GNA14: variants seen among roughly 807,000 people sequenced by gnomAD.
GNA14 encodes the protein guanine nucleotide-binding protein subunit alpha-14.
Under a neutral mutation model 42.0 loss-of-function variants are expected in GNA14, and 50 were observed. That is an observed-to-expected ratio of 1.19 (90% confidence interval 0.95 to 1.51). The LOEUF (loss-of-function observed/expected upper bound fraction) is 1.51. GNA14 is among the 40% of genes most tolerant of loss of function. The pLI, the probability that GNA14 is intolerant of heterozygous loss-of-function variation, is 0.00. For synonymous variants in GNA14, 173 were observed against 163.1 expected, an observed-to-expected ratio of 1.06 and a Z score of -0.46; for missense variants, 473 against 446.2, an observed-to-expected ratio of 1.06 and a Z score of -0.54.
At chr9:77,469,404 A>G (rs1836290378) in intron 2 of GNA14, among the ~76,000 whole-genome samples, 2 of 150,368 alleles carry the variant, frequency 1.3e-5, no homozygotes, top group African/African-American at 4.9e-5. Flanking sequence ...TTCCAGACAA[A>G]TTAATGTAAG....
intron 1 of GNA14, among the ~76,000 whole-genome samples, chr9:77,587,002 T>G (rs930076475): frequency 8.1e-5 from 12 of 147,848 alleles, no homozygotes; most frequent in Non-Finnish European, 1.5e-4. Flanking sequence ...TAATAGAAAA[T>G]AAATGATTTG....
intron 1 of GNA14, among the ~76,000 whole-genome samples, chr9:77,629,579 G>T (rs1238308543): frequency 2.6e-5 from 4 of 152,168 alleles, no homozygotes; most frequent in African/African-American, 9.7e-5. Flanking sequence ...GTCCTTTGCA[G>T]GGACATGGAT....
At position 77,425,178 on chromosome 9, in the gene GNA14, T is replaced by C. The variant is rs189155448; in HGVS notation, c.877+384A>G. Reference sequence around the variant, plus strand: ...AGTGAGCAGAGGATATGACATAGCATGATGTGGCCAAGAGAGCAAGCAGGG... The same window carrying C: ...AGTGAGCAGAGGATATGACATAGCACGATGTGGCCAAGAGAGCAAGCAGGG... On this transcript the variant is annotated intron_variant, in intron 6 of 6. Transcript: ENST00000341700. Among the ~76,000 whole-genome samples, 325 of 152,060 alleles carry C rather than the reference T, an allele frequency of 2.1e-3. 1 individual carries two copies. The highest frequency in any genetic ancestry group is 3.9e-3 in the Non-Finnish European group (263 of 67,984).
At chr9:77,505,590 A>G (rs778902551) in intron 2 of GNA14, among the ~76,000 whole-genome samples, 6 of 152,236 alleles carry the variant, frequency 3.9e-5, no homozygotes, top group Admixed American at 1.3e-4. Flanking sequence ...GGGTGAATGA[A>G]TGAACGAACT....
rs371916913 is a variant in GNA14, at chr9:77,600,275, T to C, written c.124+47395A>G. 2.7e-4 allele frequency among the ~76,000 whole-genome samples: 41 copies of C among 152,328 alleles called. 4 individuals are homozygous for C. The highest frequency in any genetic ancestry group is 8.9e-4 in the African/African-American group (37 of 41,568). ...GTGCAATTCGCACCAGTAATTTTTT[T>C]CCCAAACCAGCTATTTTTAAAGACG... On this transcript the variant is annotated intron_variant, in intron 1 of 6. Transcript: ENST00000341700.
chr9:77,452,937 G>A (rs1233181724), intron 2 of GNA14, among the ~76,000 whole-genome samples: 1 of 151,838 alleles, frequency 6.6e-6, no homozygotes, highest in African/African-American at 2.4e-5. Context: ...TTCAAGACCA[G>A]CCTGGACAAC....
At chr9:77,641,101 GAAGGAAGGAAGGAAGGAAGGAAGGAAGGA>G (rs1824257553) in intron 1 of GNA14, among the ~76,000 whole-genome samples, 1 of 1,250 alleles carries the variant, frequency 8.0e-4, no homozygotes, top group African/African-American at 1.8e-3. Flanking sequence ...GGAGGGGGGG[GAAGGAAGGAAGGAAGGAAGGAAGGAAGGA>G]AGGAAGGAAG....
chr9:77,594,637 A>G (rs1823436069), intron 1 of GNA14, among the ~76,000 whole-genome samples: 1 of 152,158 alleles, frequency 6.6e-6, no homozygotes, highest in South Asian at 2.1e-4. Context: ...GCTCAATTTG[A>G]AAGTGTAATG....
At chr9:77,489,027 G>A (rs1836709394) in intron 2 of GNA14, among the ~76,000 whole-genome samples, 1 of 152,082 alleles carries the variant, frequency 6.6e-6, no homozygotes, top group Non-Finnish European at 1.5e-5. Context: ...TGATCTCTAA[G>A]ATAATAGAGA....
chr9:77,499,827 G>C (rs943429293), intron 2 of GNA14, among the ~76,000 whole-genome samples: 1 of 152,066 alleles, frequency 6.6e-6, no homozygotes, highest in Non-Finnish European at 1.5e-5. Flanking sequence ...TCCAGCCTAG[G>C]TGACAGGGCA....
chr9:77,493,297 C>A (rs374945484), intron 2 of GNA14, among the ~76,000 whole-genome samples: 1 of 151,882 alleles, frequency 6.6e-6, no homozygotes, highest in African/African-American at 2.4e-5. Context: ...CATTTGGATA[C>A]GGGCATTTAG....
At chr9:77,437,210 G>C (rs1263783113) in intron 2 of GNA14, among the ~76,000 whole-genome samples, 1 of 152,128 alleles carries the variant, frequency 6.6e-6, no homozygotes. Context: ...TGAACTTCAG[G>C]GTGAATGAAA....
intron 1 of GNA14, among the ~76,000 whole-genome samples, chr9:77,568,387 G>A (rs932847684): frequency 1.3e-5 from 2 of 151,932 alleles, no homozygotes; most frequent in East Asian, 1.9e-4. Context: ...AGCTACTCGG[G>A]AGGCTGAGGT....
intron 1 of GNA14, among the ~76,000 whole-genome samples, chr9:77,568,724 T>C (rs1425149753): frequency 1.3e-5 from 2 of 152,058 alleles, no homozygotes; most frequent in Non-Finnish European, 2.9e-5. Context: ...ACAGGGATGG[T>C]GAAGTCTCTC....
intron 1 of GNA14, among the ~76,000 whole-genome samples, chr9:77,602,311 C>A (rs1435291774): frequency 6.6e-6 from 1 of 152,204 alleles, no homozygotes; most frequent in Non-Finnish European, 1.5e-5. Context: ...CTCCTCCACA[C>A]TATAGACTAA....
chr9:77,506,109 A>T (rs113700340), intron 2 of GNA14, among the ~76,000 whole-genome samples: 3 of 151,756 alleles, frequency 2.0e-5, no homozygotes, highest in African/African-American at 7.3e-5. Context: ...TACAAAAAAA[A>T]AATAATTAAA....
intron 1 of GNA14, among the ~76,000 whole-genome samples, chr9:77,609,894 T>C (rs1029776880): frequency 6.6e-6 from 1 of 152,212 alleles, no homozygotes; most frequent in Non-Finnish European, 1.5e-5. Flanking sequence ...GGTTCATGTA[T>C]CTGACCAAGG....
At chr9:77,637,157 A>G (rs1162108390) in intron 1 of GNA14, among the ~76,000 whole-genome samples, 1 of 152,218 alleles carries the variant, frequency 6.6e-6, no homozygotes, top group Non-Finnish European at 1.5e-5. Context: ...TTGAAGAAAA[A>G]AATAGTTTCC....
rs1275646946 is a variant in GNA14, at chr9:77,431,306, G to A, written c.593+15C>T. On this transcript the variant is annotated intron_variant, in intron 4 of 6. Transcript: ENST00000341700. ...TGGGCAGATTCTTCATGGTACATCA[G>A]GGAGACAGACTTACCGAAAGATGAT... 2 of 1,611,600 alleles carry A rather than the reference G, an allele frequency of 1.2e-6. No individual in the cohort carries two copies. Among genetic ancestry groups the A allele is most frequent in the South Asian group, 1.1e-5 (1 of 90,766 alleles).
Sources: gnomAD v4.1 joint callset for allele counts (sites outside exome capture counted in the v4.1 genomes callset) on GRCh38, gnomAD v4.1.1 for gene constraint, MANE v1.5 for transcripts, NCBI Gene and HGNC (gene_info 2026-07-23, HGNC 2026-07-21) for gene names.